PML: variants seen among roughly 807,000 people sequenced by gnomAD.
PML encodes the protein PML nuclear body scaffold.
PML carries 28 observed loss-of-function variants against 65.2 expected under a neutral mutation model. That is an observed-to-expected ratio of 0.43 (90% CI 0.32 to 0.59). PML has a LOEUF of 0.59. PML is among the 20% of genes least tolerant of loss of function. PML has a pLI of 0.08. For missense variants in PML, 1,021 were observed against 1,203.4 expected, an observed-to-expected ratio of 0.85 and a Z score of 2.24; for synonymous variants, 500 against 508.8, an observed-to-expected ratio of 0.98 and a Z score of 0.23.
chr15:74,017,523 C>T (rs994572642), intron 2 of PML, among the ~76,000 whole-genome samples: 12 of 151,986 alleles, frequency 7.9e-5, no homozygotes, highest in African/African-American at 2.9e-4. Context: ...GTGGCGTACA[C>T]CTGTAGTTCC....
rs779668164 is a variant in PML at position 74,035,254 on chromosome 15, C to T, written c.1710+724C>T. The T allele has an allele frequency of 1.2e-6, 2 of 1,612,044 alleles. No individual in the cohort carries two copies. The highest frequency in any genetic ancestry group is 1.3e-5 in the African/African-American group (1 of 74,820). ...GCCCACTCCTCGCCAGCCCACTCCT[C>T]GCCAGTCCAGTCTCTGCTGAGAGCA... On this transcript the variant is annotated intron_variant, in intron 7 of 8. Coordinates refer to ENST00000268058, the MANE Select transcript of PML (RefSeq NM_033238.3). This position sits in a 1 kb window ranked among gnomAD's most constrained non-coding sequence, Gnocchi z 4.1.
chr15:74,044,920 T>G lies in PML; in HGVS notation c.2561T>G (p.Leu854Trp). 1 of 1,613,490 alleles carries G rather than the reference T, an allele frequency of 6.2e-7. No individual in the cohort carries two copies. The highest frequency in any genetic ancestry group is 1.1e-5 in the South Asian group (1 of 91,088). The change falls in exon 9 of 9, where the codon TTG becomes TGG. Residue 854 changes from leucine (L) to tryptophan (W), a missense_variant. By Grantham distance (61) the Leu-to-Trp change is moderately conservative. Coordinates refer to ENST00000268058, the MANE Select transcript of PML (RefSeq NM_033238.3). ...QALGTYFEGL[L>W]EGPALARAEG... ...CTGGGCACCTACTTTGAAGGCCTGT[T>G]GGAGGGTCCGGCGCTGGCACGGGCA...
chr15:74,026,634 C>G (rs2071090542), intron 4 of PML: 2 of 152,290 alleles, frequency 1.3e-5, no homozygotes, highest in Admixed American at 1.3e-4. Context: ...GCCCCCAGTT[C>G]TTATGCCCAT....
At chr15:74,010,185 A>AT (rs536738558) in intron 2 of PML, among the ~76,000 whole-genome samples, 2,962 of 77,766 alleles carry the variant, frequency 0.038, 291 homozygotes, top group East Asian at 0.11. Context: ...TGCCCAGCTA[A>AT]TTTTTTTTTT....
In PML at chr15:73,998,324, G is replaced by T. The variant is rs1283335549; in HGVS notation, c.450G>T (p.Lys150Asn). ...CFECEQLLCA[K>N]CFEAHQWFLK... ...AGTGCGAGCAGCTCCTCTGCGCCAAGTGCTTCGAGGCACACCAGTGGTTCC... is the reference window on the plus strand; with the variant it reads ...AGTGCGAGCAGCTCCTCTGCGCCAATTGCTTCGAGGCACACCAGTGGTTCC... The change falls in exon 2 of 9, where the codon AAG becomes AAT. Residue 150 changes from lysine (K) to asparagine (N), a missense_variant. Physicochemically the swap from Lys to Asn is moderately conservative, Grantham distance 94 (BLOSUM62 0). Coordinates refer to ENST00000268058, the MANE Select transcript of PML (RefSeq NM_033238.3). The T allele has an allele frequency of 1.3e-5, 21 of 1,614,096 alleles. No individual in the cohort carries two copies. Among genetic ancestry groups the T allele is most frequent in the Non-Finnish European group, 1.6e-5 (19 of 1,180,050 alleles).
chr15:74,032,753 G>A (rs760088570), intron 5 of PML, 38 bp downstream of exon 5: 1 of 1,611,014 alleles, frequency 6.2e-7, no homozygotes, highest in Non-Finnish European at 8.5e-7. Context: ...CCTCCTGAAG[G>A]CCTGAGTTCC....
rs550041749 is a variant in PML, at chr15:74,045,421, A to C, written c.*413A>C. ...ACACCTGCTGACAGCTCCCACACAG[A>C]ACAGTCTGAGGTGATGCTGGCTACA... On this transcript the variant is annotated 3_prime_UTR_variant, in exon 9 of 9. Transcript: ENST00000268058. 7.1e-4 allele frequency: 198 copies of C among 279,456 alleles called. No homozygotes were observed. The highest frequency in any genetic ancestry group is 4.0e-3 in the African/African-American group (185 of 46,618). The allele number at this position is 279,456 out of a possible 1,614,324, so 17.3% of individuals were successfully genotyped here. A position where few individuals can be genotyped will look rare whatever the true frequency, so the allele number is the denominator to read the frequency against.
chr15:74,023,754 C>T (rs923281458), intron 3 of PML, among the ~76,000 whole-genome samples: 4 of 152,186 alleles, frequency 2.6e-5, no homozygotes, highest in African/African-American at 9.7e-5. Flanking sequence ...TCAGGAGGTT[C>T]TCTTAAGCCA....
chr15:74,008,333 C>T (rs1303708510), intron 2 of PML, among the ~76,000 whole-genome samples: 2 of 152,222 alleles, frequency 1.3e-5, no homozygotes, highest in African/African-American at 4.8e-5. Flanking sequence ...CCAGAACACT[C>T]AGTGTTCTCA....
chr15:74,021,330 T>C (rs2070824317), intron 2 of PML, among the ~76,000 whole-genome samples: 1 of 152,204 alleles, frequency 6.6e-6, no homozygotes, highest in Admixed American at 6.5e-5. Context: ...CTCACACCTG[T>C]AATCCCAGCA....
intron 2 of PML, among the ~76,000 whole-genome samples, chr15:74,020,051 G>C (rs2070765286): frequency 6.6e-6 from 1 of 152,230 alleles, no homozygotes. Context: ...CAAAGAAAGA[G>C]GATTGCTGGG....
At chr15:74,014,066 G>T (rs2070452404) in intron 2 of PML, among the ~76,000 whole-genome samples, 1 of 152,196 alleles carries the variant, frequency 6.6e-6, no homozygotes, top group Non-Finnish European at 1.5e-5. Flanking sequence ...ACTTATGACA[G>T]GCATACTGGC....
chr15:74,010,230 A>G (rs1303287630), intron 2 of PML, among the ~76,000 whole-genome samples: 1 of 97,266 alleles, frequency 1.0e-5, no homozygotes, highest in African/African-American at 4.1e-5. Context: ...ATGGGCTTTC[A>G]TTATGTTCCC....
chr15:74,030,279 T>C (rs1211361296), intron 4 of PML, among the ~76,000 whole-genome samples: 1 of 151,914 alleles, frequency 6.6e-6, no homozygotes, highest in East Asian at 1.9e-4. Context: ...AGAAAGATGG[T>C]GGGGAGGGAC....
intron 7 of PML, among the ~76,000 whole-genome samples, chr15:74,036,811 C>T (rs770104685): frequency 3.5e-4 from 53 of 152,226 alleles, no homozygotes; most frequent in Non-Finnish European, 6.6e-4. Context: ...TCACCCCATT[C>T]CCCCAGACAG....
At chr15:74,038,148 TA>T (rs1199008526) in intron 7 of PML, among the ~76,000 whole-genome samples, 1 of 152,136 alleles carries the variant, frequency 6.6e-6, no homozygotes, top group Non-Finnish European at 1.5e-5. Context: ...TTCCATCCCA[TA>T]ATCTTGGTAA....
chr15:74,002,323 TAATA>T (rs2069800283), intron 2 of PML, among the ~76,000 whole-genome samples: 1 of 151,684 alleles, frequency 6.6e-6, no homozygotes, highest in Admixed American at 6.6e-5. Flanking sequence ...TATATGTATA[TAATA>T]TATATGTGTA....
Position 74,024,952 on chromosome 15 carries a change from G to A in PML, c.1254+25G>A, listed in dbSNP as rs200726920. Reference sequence around the variant, plus strand: ...GGTGAGATGGGTTTGAGGTCTGAAGGGGTGGTGGTGGGGCCCAGCAGGTCA... The same window carrying A: ...GGTGAGATGGGTTTGAGGTCTGAAGAGGTGGTGGTGGGGCCCAGCAGGTCA... On this transcript the variant is annotated intron_variant, in intron 4 of 8. Transcript: ENST00000268058. 1.8e-5 allele frequency: 27 copies of A among 1,540,276 alleles called. No homozygotes were observed. The South Asian group carries it at 2.3e-4, about 13-fold the overall frequency.
At position 74,035,333 on chromosome 15, in the gene PML, C is replaced by T; in HGVS notation, c.1710+803C>T. 1 of 1,612,546 alleles carries T rather than the reference C, an allele frequency of 6.2e-7. No homozygotes were observed. The highest frequency in any genetic ancestry group is 1.1e-5 in the South Asian group (1 of 91,078). The stretch of plus-strand genomic sequence containing the variant: ...CATACCACCCCCCAGCTTGGCCTCC[C>T]CACCAGCCCGCTGAGCAGGCTGCCA... On this transcript the variant is annotated intron_variant, in intron 7 of 8. Coordinates refer to ENST00000268058, the MANE Select transcript of PML (RefSeq NM_033238.3). The surrounding 1 kb of genome is among the most constrained non-coding windows in gnomAD (Gnocchi z 4.1).
Sources: gnomAD v4.1 joint callset for allele counts (sites outside exome capture counted in the v4.1 genomes callset) on GRCh38, gnomAD v4.1.1 for gene constraint, Gnocchi (gnomAD v3.1) non-coding constraint, MANE v1.5 for transcripts, NCBI Gene and HGNC (gene_info 2026-07-23, HGNC 2026-07-21) for gene names.